RRM2: variants seen among roughly 807,000 people sequenced by gnomAD.
RRM2 encodes ribonucleotide reductase regulatory subunit M2.
RRM2 carries 6 observed loss-of-function variants against 45.9 expected under a neutral mutation model. That is an observed-to-expected ratio of 0.13 (90% CI 0.07 to 0.26). The LOEUF is 0.26. RRM2 is among the 10% of genes least tolerant of loss of function. The pLI is 1.00. For synonymous variants in RRM2, 177 were observed against 173.0 expected (o/e 1.02, Z -0.18); for missense variants, 343 against 489.5 (o/e 0.70, Z 2.82).
chr2:10,178,974 T>C (rs1663989343), intron 3 of RRM2, among the ~76,000 whole-genome samples: 1 of 152,174 alleles, frequency 6.6e-6, no homozygotes, highest in African/African-American at 2.4e-5. Context: ...ATCTTGGACT[T>C]CCCAGCCTCC....
At chr2:10,148,123 A>G (rs990643957) in intron 3 of RRM2, among the ~76,000 whole-genome samples, 3 of 146,414 alleles carry the variant, frequency 2.0e-5, no homozygotes, top group Non-Finnish European at 4.4e-5. Context: ...CAGCCTGGGC[A>G]ACAGAGTGAG....
At chr2:10,182,392 C>CA (rs199656677) in intron 3 of RRM2, among the ~76,000 whole-genome samples, 8,036 of 152,002 alleles carry the variant, frequency 0.053, 305 homozygotes, top group Non-Finnish European at 0.086. Flanking sequence ...AAAAATCCCA[C>CA]AAAAAACAAA....
rs527383143 is a variant in RRM2, at chr2:10,172,137, A to G, written n.482+29762A>G. On this transcript the variant is annotated intron_variant and non_coding_transcript_variant, in intron 3 of 3. Transcript: ENST00000381786. This position sits in a 1 kb window ranked among gnomAD's most constrained non-coding sequence, Gnocchi z 4.9. ...CAGGGCATGCGTTTGGGAGCCAGAC[A>G]GACCTGGGCTGAGTCCTGCCCTACA... 2.0e-5 allele frequency among the ~76,000 whole-genome samples: 3 copies of G among 152,360 alleles called. No homozygotes were observed. Among genetic ancestry groups the G allele is most frequent in the African/African-American group, 7.2e-5 (3 of 41,578 alleles).
At chr2:10,162,204 CAG>C (rs1169512604) in intron 3 of RRM2, among the ~76,000 whole-genome samples, 1 of 152,160 alleles carries the variant, frequency 6.6e-6, no homozygotes, top group Admixed American at 6.5e-5. Flanking sequence ...GGGGAGGAGA[CAG>C]GGCACAGCCG....
intron 3 of RRM2, among the ~76,000 whole-genome samples, chr2:10,170,054 C>T (rs1046023845): frequency 6.6e-6 from 1 of 152,144 alleles, no homozygotes; most frequent in South Asian, 2.1e-4. Flanking sequence ...GGGAGGCCCC[C>T]GGGACTGGGG....
intron 7 of RRM2, among the ~76,000 whole-genome samples, chr2:10,128,317 A>C (rs1662826238): frequency 6.6e-6 from 1 of 152,244 alleles, no homozygotes; most frequent in Admixed American, 6.5e-5. Context: ...CATGAACTCC[A>C]TCTTACTTGG....
rs143192025 is a variant in RRM2, at chr2:10,142,059, G to T, written n.361+105G>T. On this transcript the variant is annotated intron_variant and non_coding_transcript_variant, in intron 2 of 3. Coordinates refer to the RRM2 transcript ENST00000381786. ...GGGGAGCCAGAGGGAGCCAGAGGAT[G>T]TGGGGATCGACCACGTGGTTAGGGG... 1,270 of 1,599,456 alleles carry T rather than the reference G, an allele frequency of 7.9e-4. 6 individuals are homozygous for T. In the African/African-American group the frequency reaches 0.015, roughly 18 times the overall value.
At chr2:10,146,443 C>T (rs1465430679) in intron 3 of RRM2, among the ~76,000 whole-genome samples, 1 of 152,250 alleles carries the variant, frequency 6.6e-6, no homozygotes, top group Admixed American at 6.5e-5. Flanking sequence ...CGCCTCTGCT[C>T]TGCGGAATAG....
Position 10,210,717 on chromosome 2 carries a change from G to A in RRM2, n.889G>A, listed in dbSNP as rs1307369703. On this transcript the variant is annotated non_coding_transcript_exon_variant, in exon 4 of 4. Transcript: ENST00000381786. The stretch of plus-strand genomic sequence containing the variant: ...AAACTGGGGTGATGTGAGCCCACAG[G>A]GTGGAGCACTGTGGACTGAATGCCT... The A allele has an allele frequency of 7.0e-6, 6 of 859,328 alleles. No individual in the cohort carries two copies. In the East Asian group the frequency reaches 3.3e-4, roughly 47 times the overall value. 53.2% of individuals were successfully genotyped at this position (859,328 alleles called of 1,614,324 possible).
chr2:10,209,099 A>G (rs1351926379), intron 3 of RRM2, among the ~76,000 whole-genome samples: 1 of 139,342 alleles, frequency 7.2e-6, no homozygotes, highest in Non-Finnish European at 1.5e-5. Flanking sequence ...TCCATCGACC[A>G]GGGCCTGGAG....
intron 3 of RRM2, among the ~76,000 whole-genome samples, chr2:10,190,909 T>G (rs113964305): frequency 0.022 from 3,404 of 152,198 alleles, 132 homozygotes; most frequent in African/African-American, 0.078. Flanking sequence ...TAAGTCCCCA[T>G]GCGCACTTCC....
In RRM2 at chr2:10,130,466, A is replaced by T. The variant is rs182776618; in HGVS notation, c.*1080A>T. On this transcript the variant is annotated 3_prime_UTR_variant, in exon 10 of 10. Transcript: ENST00000304567. ...TTAAATCAGAAATTTTTTATTATCTATGTTCTTCTAGATTTTACCTGTAGT... is the reference window on the plus strand; with the variant it reads ...TTAAATCAGAAATTTTTTATTATCTTTGTTCTTCTAGATTTTACCTGTAGT... 8 of 152,034 alleles carry T rather than the reference A, an allele frequency of 5.3e-5. No individual in the cohort carries two copies. In the East Asian group the frequency reaches 1.5e-3, roughly 29 times the overall value. The allele number at this position is 152,034 out of a possible 1,614,324, so 9.4% of individuals were successfully genotyped here.
intron 3 of RRM2, among the ~76,000 whole-genome samples, chr2:10,184,347 C>T (rs1394408329): frequency 6.6e-6 from 1 of 152,174 alleles, no homozygotes; most frequent in Non-Finnish European, 1.5e-5. Context: ...CCTTCCCTTC[C>T]GATATTCCTC....
At position 10,185,898 on chromosome 2, in the gene RRM2, C is replaced by T. The variant is rs191347070; in HGVS notation, n.483-24413C>T. 2.6e-5 allele frequency among the ~76,000 whole-genome samples: 4 copies of T among 152,198 alleles called. No individual in the cohort carries two copies. The highest frequency in any genetic ancestry group is 4.8e-5 in the African/African-American group (2 of 41,442). On this transcript the variant is annotated intron_variant and non_coding_transcript_variant, in intron 3 of 3. Transcript: ENST00000381786. This position sits in a 1 kb window ranked among gnomAD's most constrained non-coding sequence, Gnocchi z 4.3. ...GCTGACCCTCCTTTCTGTCCTTCCT[C>T]GTGCCGAGGTTCTCTCTCCTTGACT...
At chr2:10,168,349 C>T (rs1333074730) in intron 3 of RRM2, among the ~76,000 whole-genome samples, 1 of 151,968 alleles carries the variant, frequency 6.6e-6, no homozygotes. Context: ...ATAGCGGGTT[C>T]GAGAGATCTC....
rs1246729662 is a variant in RRM2, at chr2:10,172,537, T to G, written n.482+30162T>G. ...TGGGGCCAATAGATTTTTCCAGTAA[T>G]GAAATTGTGAAAATAATTGAATTAT... On this transcript the variant is annotated intron_variant and non_coding_transcript_variant, in intron 3 of 3. Transcript: ENST00000381786. The surrounding 1 kb of genome is among the most constrained non-coding windows in gnomAD (Gnocchi z 4.9). Among the ~76,000 whole-genome samples the G allele has an allele frequency of 6.6e-6, 1 of 152,176 alleles. No homozygotes were observed. The highest frequency in any genetic ancestry group is 2.4e-5 in the African/African-American group (1 of 41,430).
upstream of RRM2, among the ~76,000 whole-genome samples, chr2:10,140,645 AC>A (rs1419676826): frequency 2.6e-5 from 4 of 152,238 alleles, no homozygotes; most frequent in African/African-American, 9.6e-5. Context: ...AAAGCTGTTT[AC>A]AGGAAAATGA....
chr2:10,202,782 ATGGCAGT>A (rs1253109533), intron 3 of RRM2, among the ~76,000 whole-genome samples: 2 of 152,202 alleles, frequency 1.3e-5, no homozygotes, highest in Non-Finnish European at 2.9e-5. Flanking sequence ...GGAACTTAAA[ATGGCAGT>A]GTTTGTCCAA....
At position 10,124,854 on chromosome 2, in the gene RRM2, A is replaced by AGT; in HGVS notation, c.569+5_569+6dup. On this transcript the variant is annotated splice_donor_region_variant and intron_variant, in intron 5 of 9. Coordinates refer to ENST00000304567, the MANE Select transcript of RRM2 (RefSeq NM_001034.4). The stretch of plus-strand genomic sequence containing the variant: ...ACATAAAAGATCCCAAAGAAAGGTG[A>AGT]GTATTCAAGTGGTATGCCAAGATTT... The AGT allele has an allele frequency of 6.3e-7, 1 of 1,591,746 alleles. No homozygotes were observed. Among genetic ancestry groups the AGT allele is most frequent in the Non-Finnish European group, 8.6e-7 (1 of 1,164,796 alleles).
Sources: allele counts gnomAD v4.1 joint callset (sites outside exome capture counted in the v4.1 genomes callset), GRCh38; gene constraint gnomAD v4.1.1; non-coding constraint Gnocchi (gnomAD v3.1); transcripts MANE v1.5; gene names NCBI Gene and HGNC (gene_info 2026-07-23, HGNC 2026-07-21).